TBC1D9: variants seen among roughly 807,000 people sequenced by gnomAD.
TBC1D9 encodes TBC1 domain family member 9.
Under a neutral mutation model 132.0 loss-of-function variants are expected in TBC1D9, and 63 were observed. The observed-to-expected ratio is 0.48, with a 90% CI of 0.39 to 0.59. The LOEUF is 0.59. TBC1D9 is among the 20% of genes least tolerant of loss of function. The probability of loss-of-function intolerance (pLI) is 0.00; values close to 1 mark genes in which losing one functional copy is unlikely to be tolerated. For missense variants in TBC1D9, 1,261 were observed against 1,592.7 expected, an observed-to-expected ratio of 0.79 and a Z score of 3.54; for synonymous variants, 610 against 609.9, an observed-to-expected ratio of 1.00 and a Z score of 0.00.
intron 3 of TBC1D9, among the ~76,000 whole-genome samples, chr4:140,684,567 T>C (rs1335667298): frequency 2.0e-5 from 3 of 152,064 alleles, no homozygotes; most frequent in Non-Finnish European, 4.4e-5. Context: ...CTGTTTGACA[T>C]AATTGGTCTT....
chr4:140,694,323 C>T (rs1389747643), intron 2 of TBC1D9, among the ~76,000 whole-genome samples: 2 of 152,128 alleles, frequency 1.3e-5, no homozygotes, highest in African/African-American at 2.4e-5. Flanking sequence ...GTAATACTAG[C>T]ACTTCGGGAG....
chr4:140,640,005 TTA>T (rs1736959232), intron 13 of TBC1D9, among the ~76,000 whole-genome samples: 1 of 152,204 alleles, frequency 6.6e-6, no homozygotes, highest in Admixed American at 6.5e-5. Flanking sequence ...TTGTAAGATT[TTA>T]TATATCTTAG....
intron 10 of TBC1D9, among the ~76,000 whole-genome samples, chr4:140,660,749 TGG>T (rs575696981): frequency 1.1e-3 from 170 of 152,226 alleles, no homozygotes; most frequent in African/African-American, 3.8e-3. Flanking sequence ...CTAGTCTATG[TGG>T]GGGGTTATTT....
intron 15 of TBC1D9, among the ~76,000 whole-genome samples, chr4:140,635,287 G>A (rs1220847559): frequency 6.6e-6 from 1 of 151,832 alleles, no homozygotes; most frequent in Non-Finnish European, 1.5e-5. Flanking sequence ...AGAACAGCCT[G>A]GGCAACATAC....
intron 2 of TBC1D9, among the ~76,000 whole-genome samples, chr4:140,697,311 G>A (rs1396233191): frequency 1.3e-5 from 2 of 152,150 alleles, no homozygotes; most frequent in African/African-American, 4.8e-5. Flanking sequence ...AAGCCTGGGA[G>A]GCAGAGGTTG....
Position 140,745,319 on chromosome 4 carries a change from C to T in TBC1D9, c.130+10597G>A, listed in dbSNP as rs528981288. Among the ~76,000 whole-genome samples the T allele has an allele frequency of 3.3e-4, 50 of 152,296 alleles. No homozygotes were observed. In the South Asian group the frequency reaches 0.01, roughly 31 times the overall value. On this transcript the variant is annotated intron_variant, in intron 1 of 20. Transcript: ENST00000442267. ...TTCTTTTCATTGACACCAATTATAA[C>T]ATTAAGTTCCATTAGGAGCTAACAT...
chr4:140,624,568 A>G (rs1023783035), intron 18 of TBC1D9, among the ~76,000 whole-genome samples, 180 bp from the exon 19 acceptor site: 4 of 152,234 alleles, frequency 2.6e-5, no homozygotes, highest in Admixed American at 1.3e-4. Flanking sequence ...AATTTCAGAT[A>G]AACAACAATT....
intron 10 of TBC1D9, among the ~76,000 whole-genome samples, chr4:140,660,519 G>A (rs529800503): frequency 6.6e-6 from 1 of 152,290 alleles, no homozygotes; most frequent in Non-Finnish European, 1.5e-5. Flanking sequence ...ATGTTCCCAA[G>A]TGACATCATC....
intron 15 of TBC1D9, among the ~76,000 whole-genome samples, chr4:140,635,243 C>T (rs1161549273): frequency 1.3e-5 from 2 of 152,086 alleles, no homozygotes; most frequent in East Asian, 3.9e-4. Context: ...CTTTGGGAGG[C>T]CAGGCGAGAG....
In TBC1D9 at chr4:140,679,148, C is replaced by G. The variant is rs1029651648; in HGVS notation, c.645G>C (p.Leu215=). The G allele has an allele frequency of 1.9e-6, 3 of 1,613,862 alleles. No homozygotes were observed. In the Admixed American group the frequency reaches 5.0e-5, roughly 27 times the overall value. The change falls in exon 5 of 21, where the codon CTG becomes CTC. Residue 215 remains leucine (L), a synonymous_variant. Transcript: ENST00000442267. The part of the protein sequence containing the change: ...DITQLEKNAT[L]LLPDVIKVST... ...TCACTTTGATCACATCAGGCAGAAG[C>G]AGGGTGGCATTCTTCTCAAGCTGAG...
At chr4:140,676,197 A>C (rs1737619828) in intron 6 of TBC1D9, among the ~76,000 whole-genome samples, 2 of 152,168 alleles carry the variant, frequency 1.3e-5, no homozygotes, top group African/African-American at 4.8e-5. Flanking sequence ...GATCTTGCCC[A>C]CATTTTCTTT....
At position 140,641,090 on chromosome 4, in the gene TBC1D9, C is replaced by CAAAAAAAAAAAAAAAAAAAA. The variant is rs35813378; in HGVS notation, c.2338-1663_2338-1662insTTTTTTTTTTTTTTTTTTTT. Among the ~76,000 whole-genome samples, 81 of 35,020 alleles carry CAAAAAAAAAAAAAAAAAAAA rather than the reference C, an allele frequency of 2.3e-3. 6 individuals carry two copies. Among genetic ancestry groups the CAAAAAAAAAAAAAAAAAAAA allele is most frequent in the Non-Finnish European group, 2.7e-3 (55 of 20,180 alleles). The allele number at this position is 35,020 out of a possible 152,430, so 23.0% of individuals were successfully genotyped here. ...TAAATCTTACAATCATAATACTAAG[C>CAAAAAAAAAAAAAAAAAAAA]AAAAAAAAAAAAAACAAAAAAAAAC... On this transcript the variant is annotated intron_variant, in intron 13 of 20. Transcript: ENST00000442267.
At chr4:140,731,523 C>T (rs1310078851) in intron 1 of TBC1D9, among the ~76,000 whole-genome samples, 9 of 152,076 alleles carry the variant, frequency 5.9e-5, no homozygotes, top group Non-Finnish European at 1.0e-4. Flanking sequence ...GAAAACCTGT[C>T]TCTATAAAAA....
rs1736670367 is a variant in TBC1D9 at position 140,624,221 on chromosome 4, TACA to T, written c.2975-5_2975-3del. ...TTTCTTGGGAATTTGCTCTCTTCCCTACAACCCAAATGTCAAGAAATAAGTGCT... is the reference window on the plus strand; with the variant it reads ...TTTCTTGGGAATTTGCTCTCTTCCCTACCCAAATGTCAAGAAATAAGTGCT... On this transcript the variant is annotated splice_polypyrimidine_tract_variant and splice_region_variant and intron_variant, in intron 19 of 20. Coordinates refer to ENST00000442267, the MANE Select transcript of TBC1D9 (RefSeq NM_015130.3). 4.3e-6 allele frequency: 7 copies of T among 1,611,258 alleles called. No homozygotes were observed. The highest frequency in any genetic ancestry group is 5.9e-6 in the Non-Finnish European group (7 of 1,178,504).
chr4:140,644,428 TG>T, intron 13 of TBC1D9: 3 of 295,848 alleles, frequency 1.0e-5, no homozygotes. Flanking sequence ...AGGGCGGCCA[TG>T]GGGGACGCGC....
chr4:140,649,533 T>C (rs1051008472), intron 13 of TBC1D9, among the ~76,000 whole-genome samples: 9 of 152,180 alleles, frequency 5.9e-5, no homozygotes, highest in African/African-American at 2.2e-4. Context: ...ATTGATGGAA[T>C]GTGAGGCTTT....
intron 1 of TBC1D9, among the ~76,000 whole-genome samples, chr4:140,715,603 C>T (rs1007812124): frequency 6.6e-6 from 1 of 152,210 alleles, no homozygotes; most frequent in African/African-American, 2.4e-5. Context: ...GCATTAACAG[C>T]AATAATGTTT....
chr4:140,631,789 G>C (rs930347734), intron 16 of TBC1D9, among the ~76,000 whole-genome samples: 2 of 151,958 alleles, frequency 1.3e-5, no homozygotes, highest in Non-Finnish European at 2.9e-5. Context: ...TAGAGACAGG[G>C]TCTTACCACG....
rs1013600946 is a variant in TBC1D9, at chr4:140,643,439, C to T, written c.2338-4011G>A. On this transcript the variant is annotated intron_variant, in intron 13 of 20. Coordinates refer to ENST00000442267, the MANE Select transcript of TBC1D9 (RefSeq NM_015130.3). ...GTGGGTCTTCCAGGCCGGGCAGGAA[C>T]TGCTCAGAGCTTGCCTCTTCCAGGT... The T allele has an allele frequency of 1.2e-4, 115 of 940,226 alleles. No individual in the cohort carries two copies. In the African/African-American group the frequency reaches 1.7e-3, roughly 14 times the overall value. 58.2% of individuals were successfully genotyped at this position (940,226 alleles called of 1,614,324 possible).
Sources: gnomAD v4.1 joint callset for allele counts (sites outside exome capture counted in the v4.1 genomes callset) on GRCh38, gnomAD v4.1.1 for gene constraint, MANE v1.5 for transcripts, NCBI Gene and HGNC (gene_info 2026-07-23, HGNC 2026-07-21) for gene names.